The following UTS2B variants were observed in gnomAD, a reference collection of about 807,000 sequenced individuals.
UTS2B encodes the protein urotensin 2B, also known as urotensin-2B.
In UTS2B, 21 loss-of-function variants were observed where a neutral mutation model predicts 19.2. That is an observed-to-expected ratio of 1.09 (90% CI 0.78 to 1.58). The LOEUF (loss-of-function observed/expected upper bound fraction) is 1.58. Among genes scored for constraint, UTS2B ranks in the 40% most tolerant of loss-of-function variants. The probability of loss-of-function intolerance (pLI) is 0.00; values close to 1 mark genes in which losing one functional copy is unlikely to be tolerated. For missense variants in UTS2B, 138 were observed against 130.3 expected (o/e 1.06, Z -0.29); for synonymous variants, 57 against 50.2 (o/e 1.14, Z -0.58).
intron 4 of UTS2B, among the ~76,000 whole-genome samples, chr3:191,290,995 A>C (rs551341185): frequency 3.9e-5 from 6 of 152,314 alleles, no homozygotes; most frequent in African/African-American, 1.2e-4. Flanking sequence ...CATGTAGTTA[A>C]ATGAAAAAAA....
intron 2 of UTS2B, among the ~76,000 whole-genome samples, chr3:191,319,033 C>G (rs1717540671): frequency 6.6e-6 from 1 of 152,018 alleles, no homozygotes; most frequent in Non-Finnish European, 1.5e-5. Context: ...CATAATAACT[C>G]TATCATACGA....
At chr3:191,311,919 C>G (rs1423112645) in intron 3 of UTS2B, among the ~76,000 whole-genome samples, 1 of 152,014 alleles carries the variant, frequency 6.6e-6, no homozygotes, top group Non-Finnish European at 1.5e-5. Context: ...GCAGGTGGAT[C>G]ACCTCAGGTC....
At chr3:191,291,290 A>G (rs1201745681) in intron 4 of UTS2B, among the ~76,000 whole-genome samples, 2 of 152,178 alleles carry the variant, frequency 1.3e-5, no homozygotes, top group African/African-American at 2.4e-5. Context: ...CTTTTGAAGA[A>G]CAAAGGGTTT....
At chr3:191,317,871 C>T (rs1254831369) in intron 2 of UTS2B, among the ~76,000 whole-genome samples, 1 of 152,200 alleles carries the variant, frequency 6.6e-6, no homozygotes, top group Non-Finnish European at 1.5e-5. Flanking sequence ...TGAGCCATCG[C>T]ACCCGGCCAG....
chr3:191,321,932 C>A (rs1433308752), intron 2 of UTS2B, among the ~76,000 whole-genome samples: 1 of 152,062 alleles, frequency 6.6e-6, no homozygotes, highest in East Asian at 1.9e-4. Context: ...GAGGCTGAGG[C>A]AGGAGAATTG....
chr3:191,277,618 T>G (rs1013722425), intron 6 of UTS2B: 1 of 152,162 alleles, frequency 6.6e-6, no homozygotes, highest in African/African-American at 2.4e-5. Context: ...TCATTCATCA[T>G]CTGTACTCCA....
intron 5 of UTS2B, among the ~76,000 whole-genome samples, chr3:191,280,571 C>T (rs1716358590): frequency 6.6e-6 from 1 of 152,088 alleles, no homozygotes; most frequent in Non-Finnish European, 1.5e-5. Context: ...TTTAATCTTC[C>T]TTATTTACAT....
chr3:191,331,336 C>G (rs1717977002), upstream of UTS2B, among the ~76,000 whole-genome samples: 1 of 151,972 alleles, frequency 6.6e-6, no homozygotes, highest in Admixed American at 6.6e-5. Flanking sequence ...TTTATATTAC[C>G]CTTAGGTCTT....
intron 7 of UTS2B, among the ~76,000 whole-genome samples, chr3:191,276,436 G>GA (rs1327165792): frequency 6.6e-6 from 1 of 152,020 alleles, no homozygotes; most frequent in Non-Finnish European, 1.5e-5. Context: ...ACATTTGGGG[G>GA]AAAAAAGATT....
chr3:191,346,026 C>T, the UTS2B span, among the ~76,000 whole-genome samples: 1 of 152,180 alleles, frequency 6.6e-6, no homozygotes, highest in South Asian at 2.1e-4. Flanking sequence ...GGTATAATTT[C>T]TCCATTCTGA....
intron 1 of UTS2B, chr3:191,329,777 TTC>T (rs1717887381): frequency 1.3e-6 from 2 of 1,570,930 alleles, no homozygotes; most frequent in Admixed American, 3.7e-5. Context: ...CAGCCCGAGG[TTC>T]TCTCAGGTCA....
chr3:191,317,336 T>G (rs9868530), intron 2 of UTS2B, among the ~76,000 whole-genome samples: 1,673 of 152,314 alleles, frequency 0.011, 29 homozygotes, highest in African/African-American at 0.037. Context: ...GAACTCGTGC[T>G]AGCCCGCAAG....
intron 2 of UTS2B, among the ~76,000 whole-genome samples, chr3:191,322,611 A>G (rs1717639287): frequency 6.6e-6 from 1 of 152,228 alleles, no homozygotes; most frequent in Non-Finnish European, 1.5e-5. Flanking sequence ...ATAGGAGCAG[A>G]AAACTATAAT....
intron 1 of UTS2B, chr3:191,329,772 C>G (rs753595322): frequency 4.4e-6 from 7 of 1,582,632 alleles, no homozygotes; most frequent in South Asian, 1.2e-5. Flanking sequence ...TCTCCCAGCC[C>G]GAGGTTCTCT....
intron 3 of UTS2B, among the ~76,000 whole-genome samples, chr3:191,306,588 A>G (rs1015618714): frequency 6.6e-6 from 1 of 152,176 alleles, no homozygotes; most frequent in African/African-American, 2.4e-5. Context: ...CTCTAACACT[A>G]AGTAGTTTAC....
At chr3:191,314,833 C>T (rs1178898290) in intron 3 of UTS2B, among the ~76,000 whole-genome samples, 2 of 152,158 alleles carry the variant, frequency 1.3e-5, no homozygotes, top group East Asian at 3.9e-4. Flanking sequence ...TTCTGGATAG[C>T]TGACACGTGG....
chr3:191,338,556 G>T, the UTS2B span, among the ~76,000 whole-genome samples: 1 of 152,132 alleles, frequency 6.6e-6, no homozygotes, highest in South Asian at 2.1e-4. Flanking sequence ...AATTCTGTCA[G>T]TGATTGCTGG....
intron 2 of UTS2B, among the ~76,000 whole-genome samples, chr3:191,318,932 T>C (rs1717538177): frequency 6.6e-6 from 1 of 152,214 alleles, no homozygotes; most frequent in Admixed American, 6.5e-5. Context: ...CTTGTATTCA[T>C]TTAAAAATTC....
chr3:191,311,545 A>C (rs191313827), intron 3 of UTS2B, among the ~76,000 whole-genome samples: 2 of 152,158 alleles, frequency 1.3e-5, no homozygotes, highest in East Asian at 3.9e-4. Flanking sequence ...CTGCACGCTA[A>C]CTCTGCACTT....
Sources: gnomAD v4.1 joint callset for allele counts (sites outside exome capture counted in the v4.1 genomes callset) on GRCh38, gnomAD v4.1.1 for gene constraint, MANE v1.5 for transcripts, NCBI Gene and HGNC (gene_info 2026-07-23, HGNC 2026-07-21) for gene names.